Variants in WDR18 observed in about 807,000 individuals in gnomAD.
WDR18 encodes the protein WD repeat-containing protein 18.
A neutral mutation model predicts 49.6 loss-of-function variants in WDR18; 33 were observed. The ratio of observed to expected loss-of-function variants is 0.67; its 90% CI spans 0.50 to 0.89. The LOEUF (loss-of-function observed/expected upper bound fraction) is 0.89. Ranked by LOEUF, WDR18 falls within the 40% of genes least tolerant of loss-of-function variation. WDR18 has a pLI of 0.00. For missense variants in WDR18, 653 were observed against 593.6 expected, an observed-to-expected ratio of 1.10 and a Z score of -1.04; for synonymous variants, 315 against 263.6, an observed-to-expected ratio of 1.19 and a Z score of -1.89.
chr19:982,978 C>T (rs761720266), upstream of WDR18, among the ~76,000 whole-genome samples: 3 of 152,210 alleles, frequency 2.0e-5, no homozygotes, highest in Non-Finnish European at 4.4e-5. Flanking sequence ...AGGAGTCGCA[C>T]CGCCTCCGGG....
chr19:990,966 T>C lies in WDR18; in HGVS notation c.712T>C (p.Ser238Pro). The C allele has an allele frequency of 1.2e-6, 2 of 1,611,248 alleles. No individual in the cohort carries two copies. The highest frequency in any genetic ancestry group is 1.7e-5 in the Admixed American group (1 of 59,812). ...HHMFCGGSEG[S>P]IFQVDLFTWP... ...TATGTTCTGCGGGGGCAGTGAGGGCTCCATCTTCCAGGTCGACCTCTTCAC... is the reference window on the plus strand; with the variant it reads ...TATGTTCTGCGGGGGCAGTGAGGGCCCCATCTTCCAGGTCGACCTCTTCAC... Residue 238 changes from serine (S) to proline (P), a missense_variant, in exon 5 of 10, where the codon TCC becomes CCC. Physicochemically the swap from Ser to Pro is moderately conservative, Grantham distance 74. Coordinates refer to ENST00000585809, the MANE Select transcript of WDR18 (RefSeq NM_024100.4).
At chr19:984,062 A>C (rs1302714047), upstream of WDR18, among the ~76,000 whole-genome samples, 1 of 152,236 alleles carries the variant, frequency 6.6e-6, no homozygotes, top group Non-Finnish European at 1.5e-5. Flanking sequence ...AAAAATGCCC[A>C]GGAGGAAAAG....
At chr19:983,565 T>C (rs1386398147), upstream of WDR18, among the ~76,000 whole-genome samples, 2 of 151,308 alleles carry the variant, frequency 1.3e-5, no homozygotes, top group African/African-American at 2.4e-5. Flanking sequence ...CCCGGCCTTT[T>C]TTTTTTTTTG....
chr19:989,054 A>AC (rs1568384583), intron 2 of WDR18, among the ~76,000 whole-genome samples: 1 of 71,092 alleles, frequency 1.4e-5, no homozygotes, highest in African/African-American at 6.3e-5. Flanking sequence ...CGAACCCACA[A>AC]CCCCCACCAG....
chr19:984,508 T>A lies in WDR18; in HGVS notation c.155T>A (p.Leu52Gln). The change falls in exon 1 of 10, where the codon CTG (leucine) becomes CAG (glutamine). Residue 52 changes from leucine (L) to glutamine (Q), a missense_variant. Coordinates refer to ENST00000585809, the MANE Select transcript of WDR18 (RefSeq NM_024100.4). The stretch of plus-strand genomic sequence containing the variant: ...CTGGCGCTGCTCAATGGCGAGTATC[T>A]GCTGGCGGCGCAGCTGGGCAAGAAT... Reference protein sequence around the residue: ...RGLALLNGEYLLAAQLGKNYI... With the variant: ...RGLALLNGEYQLAAQLGKNYI... The A allele has an allele frequency of 6.5e-7, 1 of 1,549,464 alleles. No individual in the cohort carries two copies.
Position 989,771 on chromosome 19 carries a change from G to A in WDR18, c.331G>A (p.Gly111Arg), listed in dbSNP as rs781748795. 24 of 1,612,580 alleles carry A rather than the reference G, an allele frequency of 1.5e-5. No individual in the cohort carries two copies. The highest frequency in any genetic ancestry group is 3.3e-5 in the South Asian group (3 of 91,088). The change falls in exon 3 of 10, where the codon GGG becomes AGG. Residue 111 changes from glycine to arginine, a missense_variant. Physicochemically the swap from Gly to Arg is moderately radical, Grantham distance 125. Coordinates refer to ENST00000585809, the MANE Select transcript of WDR18 (RefSeq NM_024100.4). ...ESIHLWEVST[G>R]NLLVILSRHY... ...CCTCTGCCCCTCACAGGTCTCCACC[G>A]GGAACCTTCTGGTCATCCTGAGTCG...
In WDR18 at chr19:992,005, T is replaced by C; in HGVS notation, c.982T>C (p.Ser328Pro). The C allele has an allele frequency of 6.3e-7, 1 of 1,597,926 alleles. No individual in the cohort carries two copies. Among genetic ancestry groups the C allele is most frequent in the African/African-American group, 1.4e-5 (1 of 73,670 alleles). ...ILLAPVSMLS[S>P]DFRPSLPLPH... is the part of the protein sequence containing the mutation. ...GCTGGCGCCCGTCAGCATGCTGAGC[T>C]CAGACTTCAGGCCCAGCCTGCCGCT... Residue 328 changes from serine (S) to proline (P), a missense_variant, in exon 8 of 10, where the codon TCA becomes CCA. Transcript: ENST00000585809.
At chr19:989,606 C>T (rs968434643) in intron 2 of WDR18, among the ~76,000 whole-genome samples, 156 bp from the exon 3 acceptor site, 1 of 152,224 alleles carries the variant, frequency 6.6e-6, no homozygotes, top group Non-Finnish European at 1.5e-5. Context: ...CTGCTGGCCG[C>T]TGCCCTGACA....
chr19:984,289 C>G (rs1365577059), upstream of WDR18: 16 of 1,439,384 alleles, frequency 1.1e-5, no homozygotes, highest in Admixed American at 1.1e-4. Flanking sequence ...CGCTCTGGCC[C>G]GCGTGGGGCA....
chr19:990,135 G>A, intron 3 of WDR18, 88 bp from the exon 4 acceptor site: 1 of 1,450,774 alleles, frequency 6.9e-7, no homozygotes, highest in South Asian at 1.3e-5. Context: ...AGTGGAGGCA[G>A]GTGTGTGCGT....
chr19:993,905 T>G, intron 8 of WDR18, 115 bp from the exon 9 acceptor site: 3 of 1,175,822 alleles, frequency 2.6e-6, no homozygotes, highest in Non-Finnish European at 3.6e-6. Context: ...TCTGTGGGCG[T>G]CACGGTGGCC....
chr19:987,037 C>T (rs1245946022), intron 2 of WDR18, among the ~76,000 whole-genome samples: 3 of 152,056 alleles, frequency 2.0e-5, no homozygotes, highest in Non-Finnish European at 2.9e-5. Context: ...TGAGCATTCT[C>T]GGAGAGATAA....
intron 1 of WDR18, 62 bp from the exon 2 acceptor site, chr19:985,803 C>T: frequency 2.0e-6 from 3 of 1,537,728 alleles, no homozygotes; most frequent in East Asian, 2.3e-5. Context: ...CCCTCGCCCT[C>T]CACTGCTGTA....
chr19:992,074 G>C lies in WDR18; in HGVS notation c.1051G>C (p.Glu351Gln). 2 of 1,561,782 alleles carry C rather than the reference G, an allele frequency of 1.3e-6. No individual in the cohort carries two copies. The highest frequency in any genetic ancestry group is 1.7e-6 in the Non-Finnish European group (2 of 1,158,974). Residue 351 changes from glutamate to glutamine, a missense_variant, in exon 8 of 10, where the codon GAG (glutamate) becomes CAG (glutamine). By Grantham distance (29) the Glu-to-Gln change is conservative. Coordinates refer to ENST00000585809, the MANE Select transcript of WDR18 (RefSeq NM_024100.4). ...CCTGCTGGGCGCCGAGCACGGGGAC[G>C]AGCCGCGCCACGGGGGCCTCACTCT... ...KHLLGAEHGD[E>Q]PRHGGLTLRL...
chr19:992,574 G>T (rs2038574372), intron 8 of WDR18, among the ~76,000 whole-genome samples: 1 of 152,188 alleles, frequency 6.6e-6, no homozygotes, highest in African/African-American at 2.4e-5. Context: ...CAGCCTCTCG[G>T]CCTGGCCACA....
chr19:984,216 G>C (rs935464517), upstream of WDR18: 2 of 911,562 alleles, frequency 2.2e-6, no homozygotes. Context: ...TCACAAGAAA[G>C]CCCCTCTCTC....
chr19:991,373 C>G, intron 7 of WDR18, 22 bp downstream of exon 7: 1 of 1,534,524 alleles, frequency 6.5e-7, no homozygotes, highest in East Asian at 2.5e-5. Context: ...TCTGCTCGGC[C>G]CGCGGCCAGC....
In WDR18 at chr19:994,224, C is replaced by T. The variant is rs149685258; in HGVS notation, c.1179C>T (p.Gly393=). The T allele has an allele frequency of 2.4e-4, 389 of 1,603,380 alleles. No homozygotes were observed. The African/African-American group carries it at 3.6e-3, about 15-fold the overall frequency. Residue 393 remains glycine (G), a synonymous_variant, in exon 10 of 10, where the codon GGC becomes GGT. Coordinates refer to ENST00000585809, the MANE Select transcript of WDR18 (RefSeq NM_024100.4). ...LCSTMEKSVL[G]GQDQLRVRVT... is the part of the protein sequence containing the mutation. ...GACTTCTCCCGCAGAGCGTGCTCGG[C>T]GGCCAGGACCAGCTGCGCGTCCGTG...
At chr19:990,068 TG>T (rs2038523288) in intron 3 of WDR18, 154 bp from the exon 4 acceptor site, 5 of 1,370,216 alleles carry the variant, frequency 3.6e-6, no homozygotes, top group Non-Finnish European at 4.8e-6. Context: ...TGGTTTGTTC[TG>T]GGGGCCGTGG....
Sources: allele counts gnomAD v4.1 joint callset (sites outside exome capture counted in the v4.1 genomes callset), GRCh38; gene constraint gnomAD v4.1.1; transcripts MANE v1.5; gene names NCBI Gene and HGNC (gene_info 2026-07-23, HGNC 2026-07-21).